The following PATJ variants were observed in gnomAD, a reference collection of about 807,000 sequenced individuals.
PATJ encodes inaD-like protein.
PATJ carries 190 observed loss-of-function variants against 224.9 expected under a neutral mutation model. The observed-to-expected ratio is 0.84, with a 90% CI of 0.75 to 0.95. The LOEUF (loss-of-function observed/expected upper bound fraction) is 0.95, where lower values mean the gene tolerates loss of function less well. Ranked by LOEUF, PATJ falls within the 40% of genes least tolerant of loss-of-function variation. PATJ has a pLI of 0.00. For synonymous variants in PATJ, 769 were observed against 820.3 expected (o/e 0.94, Z 1.07); for missense variants, 2,121 against 2,270.3 (o/e 0.93, Z 1.34).
chr1:61,801,703 G>A lies in PATJ; in HGVS notation c.1483G>A (p.Asp495Asn), dbSNP rs1206256710. 7.5e-6 allele frequency: 12 copies of A among 1,600,134 alleles called. No homozygotes were observed. The highest frequency in any genetic ancestry group is 5.0e-5 in the Admixed American group (3 of 59,730). ...VETETNVDGE[D>N]EEIKERIDTL... Reference sequence around the variant, plus strand: ...AACTGAAACTAATGTGGATGGTGAAGATGAGGAAATTAAAGAAAGAATTGA... The same window carrying A: ...AACTGAAACTAATGTGGATGGTGAAAATGAGGAAATTAAAGAAAGAATTGA... The change falls in exon 12 of 44, where the codon GAT (aspartate) becomes AAT (asparagine). Residue 495 changes from aspartate (D) to asparagine (N), a missense_variant. Coordinates refer to ENST00000642238, the MANE Select transcript of PATJ (RefSeq NM_001350145.3).
At chr1:61,938,794 GC>G (rs1677288630) in intron 27 of PATJ, among the ~76,000 whole-genome samples, 1 of 151,778 alleles carries the variant, frequency 6.6e-6, no homozygotes, top group Non-Finnish European at 1.5e-5. Context: ...AGAATTTAGA[GC>G]ATAAAAAAAT....
At chr1:62,007,543 A>G (rs1243613607) in intron 28 of PATJ, among the ~76,000 whole-genome samples, 1 of 152,256 alleles carries the variant, frequency 6.6e-6, no homozygotes, top group Admixed American at 6.5e-5. Flanking sequence ...TTTACAAATT[A>G]ATATTCAGAA....
chr1:61,775,116 A>C, intron 6 of PATJ, 90 bp from the exon 7 acceptor site: 2 of 1,325,410 alleles, frequency 1.5e-6, no homozygotes, highest in Non-Finnish European at 2.0e-6. Context: ...ATTTGTTGCA[A>C]ATCTGTTACT....
At chr1:62,134,330 C>CTTTTTTTTTTT (rs779235130) in intron 41 of PATJ, among the ~76,000 whole-genome samples, 2 of 96,518 alleles carry the variant, frequency 2.1e-5, no homozygotes, top group East Asian at 3.3e-4. Flanking sequence ...CCAGCCCTCT[C>CTTTTTTTTTTT]TTTTTTTTTT....
Position 61,875,270 on chromosome 1 carries a change from C to A in PATJ, c.2863C>A (p.Leu955Ile). The change falls in exon 21 of 44, where the codon CTA (leucine) becomes ATA (isoleucine). Residue 955 changes from leucine (L) to isoleucine (I), a missense_variant. Transcript: ENST00000642238. ...GAAAGAAAATTTTGTCATGGAGTCC[C>A]TACCATCTGTACCATCAACTGAAGG... ...VMKENFVMESLPSVPSTEGNS... is the reference protein window; with the variant it reads ...VMKENFVMESIPSVPSTEGNS... 1.2e-6 allele frequency: 2 copies of A among 1,603,958 alleles called. No homozygotes were observed. The highest frequency in any genetic ancestry group is 1.7e-5 in the Admixed American group (1 of 59,104).
In PATJ at chr1:61,759,228, C is replaced by T. The variant is rs1040031669; in HGVS notation, c.-35-3630C>T. 3.3e-5 allele frequency among the ~76,000 whole-genome samples: 5 copies of T among 152,108 alleles called. No individual in the cohort carries two copies. In the East Asian group the frequency reaches 5.8e-4, roughly 18 times the overall value. ...TGCAATTTTTTTTAAAGCTCATCAGCTATCATTAGTGTTAGTGTATTTTAT... is the reference window on the plus strand; with the variant it reads ...TGCAATTTTTTTTAAAGCTCATCAGTTATCATTAGTGTTAGTGTATTTTAT... On this transcript the variant is annotated intron_variant, in intron 1 of 43. Coordinates refer to ENST00000642238, the MANE Select transcript of PATJ (RefSeq NM_001350145.3).
intron 36 of PATJ, among the ~76,000 whole-genome samples, chr1:62,116,896 C>T (rs979685202): frequency 1.3e-5 from 2 of 152,190 alleles, no homozygotes; most frequent in African/African-American, 4.8e-5. Context: ...TTTGGGATTT[C>T]ACAAGCAAGT....
chr1:62,067,509 G>A (rs982163342), intron 31 of PATJ, among the ~76,000 whole-genome samples: 5 of 152,104 alleles, frequency 3.3e-5, no homozygotes. Context: ...TTAGTTTTAG[G>A]TGGGGACTAT....
rs66470863 is a variant in PATJ at position 61,777,703 on chromosome 1, C to CTTTTTTTTTTTTTTTTTTTTTTTTTT, written c.849+2393_849+2394insTTTTTTTTTTTTTTTTTTTTTTTTTT. On this transcript the variant is annotated intron_variant, in intron 7 of 43. Coordinates refer to ENST00000642238, the MANE Select transcript of PATJ (RefSeq NM_001350145.3). ...TTCTTCCTTTTTTCTTTCTTTCTTT[C>CTTTTTTTTTTTTTTTTTTTTTTTTTT]TTTTTTTTTTTTTTTTTTTTTTTTA... 1.7e-3 allele frequency among the ~76,000 whole-genome samples: 81 copies of CTTTTTTTTTTTTTTTTTTTTTTTTTT among 48,746 alleles called. 2 individuals carry two copies. The highest frequency in any genetic ancestry group is 2.0e-3 in the Non-Finnish European group (62 of 30,848). 32.0% of individuals were successfully genotyped at this position (48,746 alleles called of 152,430 possible).
Position 61,763,197 on chromosome 1 carries a change from G to A in PATJ, c.189+18G>A. 7.0e-7 allele frequency: 1 copy of A among 1,431,326 alleles called. No individual in the cohort carries two copies. Among genetic ancestry groups the A allele is most frequent in the Non-Finnish European group, 9.5e-7 (1 of 1,053,670 alleles). The allele number at this position is 1,431,326 out of a possible 1,614,324, so 88.7% of individuals were successfully genotyped here. A position where few individuals can be genotyped will look rare whatever the true frequency, so the allele number is the denominator to read the frequency against. On this transcript the variant is annotated intron_variant, in intron 3 of 43. Coordinates refer to ENST00000642238, the MANE Select transcript of PATJ (RefSeq NM_001350145.3). ...AGGGTCAAGTAAGTTACCCATCAGA[G>A]TTTTACATTAATATATTATATTAAT... is the stretch of plus-strand genomic sequence containing the variant.
At position 62,121,236 on chromosome 1, in the gene PATJ, C is replaced by T. The variant is rs1665005441; in HGVS notation, c.4946C>T (p.Thr1649Ile). 3 of 1,613,850 alleles carry T rather than the reference C, an allele frequency of 1.9e-6. No individual in the cohort carries two copies. Among genetic ancestry groups the T allele is most frequent in the Non-Finnish European group, 2.5e-6 (3 of 1,180,016 alleles). The part of the protein sequence containing the change: ...SCHPSFAPVI[T>I]GLQNLVGTKR... Reference sequence around the variant, plus strand: ...CATCCCTCCTTCGCTCCTGTCATCACTGGCCTGCAAAACCTGGTTGGCACA... The same window carrying T: ...CATCCCTCCTTCGCTCCTGTCATCATTGGCCTGCAAAACCTGGTTGGCACA... The change falls in exon 38 of 44, where the codon ACT becomes ATT. Residue 1649 changes from threonine (T) to isoleucine (I), a missense_variant. Coordinates refer to ENST00000642238, the MANE Select transcript of PATJ (RefSeq NM_001350145.3).
chr1:61,900,547 G>A (rs1427707307), intron 23 of PATJ, among the ~76,000 whole-genome samples: 1 of 151,846 alleles, frequency 6.6e-6, no homozygotes, highest in Admixed American at 6.6e-5. Flanking sequence ...TGTTCTGAAA[G>A]TCTGTACTTT....
At chr1:62,059,425 C>T (rs1655050614) in intron 31 of PATJ, among the ~76,000 whole-genome samples, 1 of 151,884 alleles carries the variant, frequency 6.6e-6, no homozygotes, top group African/African-American at 2.4e-5. Flanking sequence ...AGTTTGTGAC[C>T]AGCCTGGCCA....
At position 61,795,447 on chromosome 1, in the gene PATJ, GTA is replaced by G; in HGVS notation, c.1169-18_1169-17del. 2.1e-6 allele frequency: 3 copies of G among 1,457,020 alleles called. No individual in the cohort carries two copies. The highest frequency in any genetic ancestry group is 2.8e-6 in the Non-Finnish European group (3 of 1,067,220). 90.3% of individuals were successfully genotyped at this position (1,457,020 alleles called of 1,614,324 possible). A position where few individuals can be genotyped will look rare whatever the true frequency, so the allele number is the denominator to read the frequency against. On this transcript the variant is annotated intron_variant, in intron 9 of 43. Coordinates refer to ENST00000642238, the MANE Select transcript of PATJ (RefSeq NM_001350145.3). ...TAATTAGAATTTTCTTCCTTTTTCC[GTA>G]TGTCTGTGCACCTTAAGGGGAAGCT...
At chr1:61,883,811 C>A (rs1389441870) in intron 21 of PATJ, among the ~76,000 whole-genome samples, 4 of 146,270 alleles carry the variant, frequency 2.7e-5, no homozygotes, top group African/African-American at 1.0e-4. Context: ...ATAAACAAAA[C>A]CCTTTTAAAA....
At chr1:62,053,413 C>A (rs1653990504) in intron 31 of PATJ, among the ~76,000 whole-genome samples, 1 of 152,134 alleles carries the variant, frequency 6.6e-6, no homozygotes. Flanking sequence ...AATGGCCTGG[C>A]ATAAAGTATT....
chr1:61,854,674 C>T (rs1037259091), intron 17 of PATJ, among the ~76,000 whole-genome samples: 2 of 152,098 alleles, frequency 1.3e-5, no homozygotes, highest in Non-Finnish European at 2.9e-5. Flanking sequence ...TCGGTTTCGT[C>T]ATCTGTAAAA....
chr1:61,919,479 A>AT (rs71582651), intron 26 of PATJ, among the ~76,000 whole-genome samples: 25,242 of 149,458 alleles, frequency 0.17, 2,458 homozygotes, highest in Non-Finnish European at 0.23. Context: ...AGTTTTTTGT[A>AT]TTTTTTTTTG....
intron 9 of PATJ, among the ~76,000 whole-genome samples, chr1:61,793,966 A>G (rs12116545): frequency 1 from 147,764 of 147,768 alleles, 73,880 homozygotes; most frequent in Middle Eastern, 1. Context: ...GCAATGGCAC[A>G]GTCTCGGCTC....
Sources: allele counts gnomAD v4.1 joint callset (sites outside exome capture counted in the v4.1 genomes callset), GRCh38; gene constraint gnomAD v4.1.1; transcripts MANE v1.5; gene names NCBI Gene and HGNC (gene_info 2026-07-23, HGNC 2026-07-21).